Variants in GRIA1 observed in about 807,000 individuals in gnomAD.
GRIA1 encodes glutamate ionotropic receptor AMPA type subunit 1.
A neutral mutation model predicts 99.2 loss-of-function variants in GRIA1; 31 were observed. The observed-to-expected ratio is 0.31, with a 90% CI of 0.23 to 0.42. The LOEUF is 0.42. Ranked by LOEUF, GRIA1 falls within the 10% of genes least tolerant of loss-of-function variation. GRIA1 has a pLI of 1.00. For synonymous variants in GRIA1, 438 were observed against 432.4 expected (o/e 1.01, Z -0.16); for missense variants, 782 against 1,157.5 (o/e 0.68, Z 4.71).
chr5:153,655,159 C>G (rs1754848165), intron 4 of GRIA1, among the ~76,000 whole-genome samples: 2 of 152,190 alleles, frequency 1.3e-5, no homozygotes, highest in African/African-American at 4.8e-5. Context: ...GACTTCCTAT[C>G]TGTACAGTGA....
At chr5:153,771,578 A>G (rs937395927) in intron 13 of GRIA1, among the ~76,000 whole-genome samples, 1 of 152,206 alleles carries the variant, frequency 6.6e-6, no homozygotes. Context: ...ATTTAATGAC[A>G]ATTCTAATAG....
At chr5:153,507,083 A>T (rs1755582126) in intron 2 of GRIA1, among the ~76,000 whole-genome samples, 1 of 152,182 alleles carries the variant, frequency 6.6e-6, no homozygotes, top group Non-Finnish European at 1.5e-5. Context: ...AGATCAAGCC[A>T]CTGCACTCCA....
intron 2 of GRIA1, among the ~76,000 whole-genome samples, chr5:153,566,867 C>T (rs1312493470): frequency 1.3e-5 from 2 of 151,720 alleles, no homozygotes; most frequent in South Asian, 2.1e-4. Flanking sequence ...CAGGTGTGCA[C>T]CACCACGCCC....
chr5:153,563,894 G>A (rs1233871006), intron 2 of GRIA1, among the ~76,000 whole-genome samples: 4 of 152,190 alleles, frequency 2.6e-5, no homozygotes, highest in Non-Finnish European at 5.9e-5. Context: ...GTATTGTTGA[G>A]GACATGAAAT....
rs12374495 is a variant in GRIA1 at position 153,509,759 on chromosome 5, T to C, written c.220+15694T>C. Reference sequence around the variant, plus strand: ...TACACTCCTTTTACAGTTGTGCAGATTGAAGGAGATCAACTTGGAAAGTGC... The same window carrying C: ...TACACTCCTTTTACAGTTGTGCAGACTGAAGGAGATCAACTTGGAAAGTGC... On this transcript the variant is annotated intron_variant, in intron 2 of 15. Transcript: ENST00000285900. Among the ~76,000 whole-genome samples, 990 of 152,276 alleles carry C rather than the reference T, an allele frequency of 6.5e-3. 5 individuals are homozygous for C. The highest frequency in any genetic ancestry group is 9.6e-3 in the Non-Finnish European group (653 of 68,008).
upstream of GRIA1, chr5:153,490,529 G>A: frequency 2.8e-6 from 1 of 351,960 alleles, no homozygotes; most frequent in Non-Finnish European, 5.4e-6. Context: ...TTAGCATAGA[G>A]CTTGCTGCCT....
intron 2 of GRIA1, among the ~76,000 whole-genome samples, chr5:153,556,278 C>G (rs1205020609): frequency 8.5e-6 from 1 of 118,214 alleles, no homozygotes; most frequent in Non-Finnish European, 2.1e-5. Context: ...ACTATTCTCT[C>G]ATTTAGTTAT....
At chr5:153,688,518 T>C (rs1365993518) in intron 8 of GRIA1, among the ~76,000 whole-genome samples, 3 of 152,218 alleles carry the variant, frequency 2.0e-5, no homozygotes, top group Non-Finnish European at 4.4e-5. Flanking sequence ...GCCTGATCAC[T>C]GTTCAGTGAA....
intron 13 of GRIA1, among the ~76,000 whole-genome samples, chr5:153,785,662 G>A (rs1764925326): frequency 6.6e-6 from 1 of 152,176 alleles, no homozygotes; most frequent in African/African-American, 2.4e-5. Flanking sequence ...CCATTGATGA[G>A]TGAAAACTAT....
Position 153,686,209 on chromosome 5 carries a change from T to A in GRIA1, c.1030-16T>A. 6.3e-7 allele frequency: 1 copy of A among 1,596,326 alleles called. No homozygotes were observed. On this transcript the variant is annotated splice_polypyrimidine_tract_variant and intron_variant, in intron 7 of 15. Coordinates refer to ENST00000285900, the MANE Select transcript of GRIA1 (RefSeq NM_000827.4). ...ACATCTGAGTTCACTGCCCACCACT[T>A]GGTTTTGTTTTCCAGGTGCGATTTG... is the stretch of plus-strand genomic sequence containing the variant.
At chr5:153,796,308 T>C (rs1561867646) in intron 14 of GRIA1, among the ~76,000 whole-genome samples, 1 of 152,192 alleles carries the variant, frequency 6.6e-6, no homozygotes, top group Non-Finnish European at 1.5e-5. Context: ...TGTGTCGTTA[T>C]TTGCTTCACG....
At position 153,493,944 on chromosome 5, in the gene GRIA1, C is replaced by A; in HGVS notation, c.99C>A (p.Asn33Lys). 3 of 1,614,028 alleles carry A rather than the reference C, an allele frequency of 1.9e-6. No homozygotes were observed. The highest frequency in any genetic ancestry group is 2.5e-6 in the Non-Finnish European group (3 of 1,179,924). Residue 33 changes from asparagine to lysine, a missense_variant, in exon 2 of 16, where the codon AAC (asparagine) becomes AAA (lysine). Transcript: ENST00000285900. ...TTCTCATAGGGGGATTATTTCCAAA[C>A]CAGCAGTCACAGGAACATGCTGCTT... ...NNIQIGGLFP[N>K]QQSQEHAAFR...
intron 2 of GRIA1, among the ~76,000 whole-genome samples, chr5:153,616,038 C>A (rs145471716): frequency 6.6e-6 from 1 of 152,132 alleles, no homozygotes; most frequent in Non-Finnish European, 1.5e-5. Flanking sequence ...AGCAACATTA[C>A]CCAGTCTCTC....
intron 2 of GRIA1, among the ~76,000 whole-genome samples, chr5:153,513,003 G>A (rs1432599982): frequency 6.6e-6 from 1 of 152,154 alleles, no homozygotes; most frequent in Non-Finnish European, 1.5e-5. Flanking sequence ...CAAGATGGCG[G>A]CCATTGGCAA....
At chr5:153,495,445 T>A (rs1754318174) in intron 2 of GRIA1, among the ~76,000 whole-genome samples, 1 of 152,190 alleles carries the variant, frequency 6.6e-6, no homozygotes, top group African/African-American at 2.4e-5. Context: ...AAGGTCCATG[T>A]TCCTGGATAC....
chr5:153,529,602 C>G (rs954913968), intron 2 of GRIA1, among the ~76,000 whole-genome samples: 3 of 152,100 alleles, frequency 2.0e-5, no homozygotes, highest in Non-Finnish European at 4.4e-5. Context: ...AGGAAGAATA[C>G]CAACACCCTA....
chr5:153,549,451 C>A (rs1759919159), intron 2 of GRIA1, among the ~76,000 whole-genome samples: 1 of 152,104 alleles, frequency 6.6e-6, no homozygotes, highest in Non-Finnish European at 1.5e-5. Context: ...CTGAAAAACT[C>A]AGTACCCACC....
At chr5:153,639,971 AGAG>A (rs1753672571) in intron 2 of GRIA1, among the ~76,000 whole-genome samples, 1 of 152,356 alleles carries the variant, frequency 6.6e-6, no homozygotes. Context: ...TGCAGCCCAG[AGAG>A]GAGAAGGGGC....
intron 2 of GRIA1, among the ~76,000 whole-genome samples, chr5:153,620,846 C>T (rs1400739604): frequency 6.6e-6 from 1 of 152,146 alleles, no homozygotes; most frequent in Non-Finnish European, 1.5e-5. Flanking sequence ...AGTTGTAGTT[C>T]CTACCCTAGT....
Sources: allele counts gnomAD v4.1 joint callset (sites outside exome capture counted in the v4.1 genomes callset), GRCh38; gene constraint gnomAD v4.1.1; transcripts MANE v1.5; gene names NCBI Gene and HGNC (gene_info 2026-07-23, HGNC 2026-07-21).